Variants in DPT observed in about 807,000 individuals in gnomAD.
The protein encoded by DPT is dermatopontin.
Under a neutral mutation model 31.2 loss-of-function variants are expected in DPT, and 21 were observed. That is an observed-to-expected ratio of 0.67 (90% confidence interval 0.48 to 0.97). The LOEUF (loss-of-function observed/expected upper bound fraction) is 0.97. Among genes scored for constraint, DPT ranks in the 50% least tolerant of loss-of-function variants. The probability of loss-of-function intolerance (pLI) is 0.00; values close to 1 mark genes in which losing one functional copy is unlikely to be tolerated. For synonymous variants in DPT, 91 were observed against 86.9 expected (o/e 1.05, Z -0.26); for missense variants, 262 against 258.8 (o/e 1.01, Z -0.08).
chr1:168,711,440 T>C (rs1034685775), intron 2 of DPT, among the ~76,000 whole-genome samples: 2 of 152,194 alleles, frequency 1.3e-5, no homozygotes, highest in African/African-American at 4.8e-5. Flanking sequence ...CCAACCATGA[T>C]GGCATGGCCA....
chr1:168,697,108 C>CA (rs1649484271), intron 3 of DPT, among the ~76,000 whole-genome samples: 1 of 151,770 alleles, frequency 6.6e-6, no homozygotes. Flanking sequence ...CAAAAAAATA[C>CA]AAAAAATTAG....
At chr1:168,708,214 G>T (rs1360125349) in intron 2 of DPT, among the ~76,000 whole-genome samples, 1 of 151,700 alleles carries the variant, frequency 6.6e-6, no homozygotes, top group Non-Finnish European at 1.5e-5. Flanking sequence ...GTTTTTTTCT[G>T]AATATTTTTG....
At chr1:168,716,017 G>A (rs1178665424) in intron 1 of DPT, among the ~76,000 whole-genome samples, 3 of 152,214 alleles carry the variant, frequency 2.0e-5, no homozygotes, top group South Asian at 2.1e-4. Flanking sequence ...ACTGGTGAGA[G>A]AGGCCTTGTT....
chr1:168,703,023 G>C (rs74122756), intron 2 of DPT, among the ~76,000 whole-genome samples: 3,955 of 152,246 alleles, frequency 0.026, 177 homozygotes, highest in African/African-American at 0.09. Flanking sequence ...GGAAAGAGAG[G>C]TTTGTTGAGA....
chr1:168,718,532 G>A (rs996861373), intron 1 of DPT, among the ~76,000 whole-genome samples: 4 of 152,198 alleles, frequency 2.6e-5, no homozygotes, highest in African/African-American at 4.8e-5. Flanking sequence ...GCCTGTTCAG[G>A]AGTTTGGTAT....
Position 168,696,539 on chromosome 1 carries a change from T to C in DPT, c.*10A>G, listed in dbSNP as rs768106755. 6.2e-7 allele frequency: 1 copy of C among 1,613,086 alleles called. No individual in the cohort carries two copies. Among genetic ancestry groups the C allele is most frequent in the Non-Finnish European group, 8.5e-7 (1 of 1,179,326 alleles). On this transcript the variant is annotated 3_prime_UTR_variant, in exon 4 of 4. Coordinates refer to ENST00000367817, the MANE Select transcript of DPT (RefSeq NM_001937.5). The stretch of plus-strand genomic sequence containing the variant: ...CCTTTCCTTTCACCCAGATTTGGTA[T>C]GTGGCAAATCTAAACATTTGCAAAT...
At chr1:168,701,244 G>T in intron 2 of DPT, 120 bp from the exon 3 acceptor site, 1 of 763,416 alleles carries the variant, frequency 1.3e-6, no homozygotes, top group Non-Finnish European at 2.2e-6. Flanking sequence ...CCAGACTGAA[G>T]TTAAATGACA....
In DPT at chr1:168,729,024, G is replaced by A. The variant is rs917005223; in HGVS notation, c.151C>T (p.Pro51Ser). Residue 51 changes from proline (P) to serine (S), a missense_variant, in exon 1 of 4, where the codon CCC becomes TCC. Coordinates refer to ENST00000367817, the MANE Select transcript of DPT (RefSeq NM_001937.5). ...ACGGCCACTATCACCTGCCCCTGGG[G>A]ACACTGGTAGCTGAAGCCTTGCCGG... ...LNRQGFSYQC[P>S]QGQVIVAVRS... The A allele has an allele frequency of 1.9e-6, 3 of 1,614,082 alleles. No individual in the cohort carries two copies. The highest frequency in any genetic ancestry group is 1.3e-5 in the African/African-American group (1 of 74,924).
rs1012118582 is a variant in DPT at position 168,701,002 on chromosome 1, G to A, written c.539+15C>T. 16 of 1,595,914 alleles carry A rather than the reference G, an allele frequency of 1.0e-5. No homozygotes were observed. The highest frequency in any genetic ancestry group is 1.3e-5 in the African/African-American group (1 of 74,564). ...CTTTAACCCTAGCCCATTGGGAAGG[G>A]GCTGTCTTTCTCACCTTTCCACTGC... On this transcript the variant is annotated intron_variant, in intron 3 of 3. Coordinates refer to ENST00000367817, the MANE Select transcript of DPT (RefSeq NM_001937.5).
intron 3 of DPT, among the ~76,000 whole-genome samples, chr1:168,699,009 A>G (rs1042485078): frequency 6.6e-5 from 10 of 152,202 alleles, no homozygotes; most frequent in African/African-American, 2.2e-4. Flanking sequence ...CAATGACATA[A>G]TATTTCAGTT....
rs1557844410 is a variant in DPT, at chr1:168,695,871, C to T, written c.*678G>A. 3.5e-6 allele frequency: 1 copy of T among 285,908 alleles called. No individual in the cohort carries two copies. Among genetic ancestry groups the T allele is most frequent in the Non-Finnish European group, 6.5e-6 (1 of 154,080 alleles). 17.7% of individuals were successfully genotyped at this position (285,908 alleles called of 1,614,324 possible). On this transcript the variant is annotated 3_prime_UTR_variant, in exon 4 of 4. Coordinates refer to ENST00000367817, the MANE Select transcript of DPT (RefSeq NM_001937.5). ...GAGTGATCCTCACGGGTTCCCCTGG[C>T]CCCTGCACTCATTTTCCTTACTGGG...
chr1:168,723,207 A>T (rs1171865009), intron 1 of DPT, among the ~76,000 whole-genome samples: 1 of 152,254 alleles, frequency 6.6e-6, no homozygotes, highest in Non-Finnish European at 1.5e-5. Context: ...TTATCCAGGA[A>T]CAAAAATAAC....
At chr1:168,726,661 T>C (rs1046818642) in intron 1 of DPT, among the ~76,000 whole-genome samples, 8 of 152,204 alleles carry the variant, frequency 5.3e-5, no homozygotes, top group African/African-American at 1.4e-4. Flanking sequence ...TGCTTGACTG[T>C]GGCACAAAAA....
Position 168,729,069 on chromosome 1 carries a change from C to A in DPT, c.106G>T (p.Asp36Tyr), listed in dbSNP as rs535256616. 1 of 1,614,258 alleles carries A rather than the reference C, an allele frequency of 6.2e-7. No homozygotes were observed. The highest frequency in any genetic ancestry group is 1.7e-5 in the Admixed American group (1 of 60,034). ...PYQQYHDYSD[D>Y]GWVNLNRQGF... is the part of the protein sequence containing the mutation. ...TGCCGGTTCAAATTCACCCACCCATCATCGCTGTAGTCATGATACTGCTGG... is the reference window on the plus strand; with the variant it reads ...TGCCGGTTCAAATTCACCCACCCATAATCGCTGTAGTCATGATACTGCTGG... Residue 36 changes from aspartate to tyrosine, a missense_variant, in exon 1 of 4, where the codon GAT becomes TAT. By Grantham distance (160) the Asp-to-Tyr change is radical. Transcript: ENST00000367817.
chr1:168,697,108 C>G (rs1019081542), intron 3 of DPT, among the ~76,000 whole-genome samples: 3 of 151,770 alleles, frequency 2.0e-5, no homozygotes, highest in Non-Finnish European at 4.4e-5. Flanking sequence ...CAAAAAAATA[C>G]AAAAAATTAG....
chr1:168,715,632 C>G (rs1051873266), intron 1 of DPT, among the ~76,000 whole-genome samples: 8 of 152,188 alleles, frequency 5.3e-5, no homozygotes, highest in African/African-American at 1.9e-4. Context: ...TGACGAATTT[C>G]AAATAAACAT....
chr1:168,708,773 A>C (rs1220684274), intron 2 of DPT, among the ~76,000 whole-genome samples: 1 of 152,226 alleles, frequency 6.6e-6, no homozygotes, highest in Non-Finnish European at 1.5e-5. Context: ...TATGACAGGC[A>C]CAGCAATGCA....
At chr1:168,725,570 T>C (rs770473536) in intron 1 of DPT, among the ~76,000 whole-genome samples, 14 of 152,130 alleles carry the variant, frequency 9.2e-5, no homozygotes, top group Non-Finnish European at 1.8e-4. Flanking sequence ...AACCTAGGCA[T>C]GCCCTGGGAT....
chr1:168,697,455 G>T (rs1557844843), intron 3 of DPT, among the ~76,000 whole-genome samples: 1 of 152,172 alleles, frequency 6.6e-6, no homozygotes, highest in South Asian at 2.1e-4. Context: ...TGCCATTCTG[G>T]CATCACAAGA....
Sources: allele counts gnomAD v4.1 joint callset (sites outside exome capture counted in the v4.1 genomes callset), GRCh38; gene constraint gnomAD v4.1.1; transcripts MANE v1.5; gene names NCBI Gene and HGNC (gene_info 2026-07-23, HGNC 2026-07-21).